The following SORL1 variants were observed in gnomAD, a reference collection of about 807,000 sequenced individuals.
SORL1 encodes the protein sortilin-related receptor.
In SORL1, 127 loss-of-function variants were observed where a neutral mutation model predicts 273.7. That is an observed-to-expected ratio of 0.46 (90% CI 0.40 to 0.54). SORL1 has a LOEUF of 0.54. SORL1 is among the 20% of genes least tolerant of loss of function. The pLI, the probability that SORL1 is intolerant of heterozygous loss-of-function variation, is 0.00. For synonymous variants in SORL1, 1,031 were observed against 1,067.4 expected (o/e 0.97, Z 0.66); for missense variants, 2,494 against 2,846.1 (o/e 0.88, Z 2.81).
At chr11:121,551,509 T>TTTC (rs1489668547) in intron 16 of SORL1, among the ~76,000 whole-genome samples, 2 of 152,208 alleles carry the variant, frequency 1.3e-5, no homozygotes, top group Admixed American at 1.3e-4. Flanking sequence ...CTTAGTTGCT[T>TTTC]TTCTTCACTC....
intron 1 of SORL1, among the ~76,000 whole-genome samples, chr11:121,458,865 C>T (rs1860948097): frequency 6.6e-6 from 1 of 152,080 alleles, no homozygotes; most frequent in Non-Finnish European, 1.5e-5. Context: ...GTAACATGAC[C>T]AATGCTTTGT....
chr11:121,506,243 C>A (rs536018352), intron 6 of SORL1, among the ~76,000 whole-genome samples: 1 of 152,066 alleles, frequency 6.6e-6, no homozygotes, highest in African/African-American at 2.4e-5. Flanking sequence ...TTCTATTTTG[C>A]CTATTATTAT....
chr11:121,461,335 T>C (rs552558207), intron 1 of SORL1, among the ~76,000 whole-genome samples: 3 of 151,972 alleles, frequency 2.0e-5, no homozygotes, highest in Non-Finnish European at 4.4e-5. Flanking sequence ...AAGCAGTGGA[T>C]GTGGAAAGTT....
chr11:121,493,742 G>A (rs749306141), intron 5 of SORL1, among the ~76,000 whole-genome samples: 7 of 152,178 alleles, frequency 4.6e-5, no homozygotes, highest in Non-Finnish European at 1.0e-4. Flanking sequence ...CTCATTAAGT[G>A]TAATGGTCCC....
chr11:121,501,337 T>G (rs1861705186), intron 6 of SORL1, among the ~76,000 whole-genome samples: 1 of 152,230 alleles, frequency 6.6e-6, no homozygotes, highest in Admixed American at 6.5e-5. Context: ...AATATTTTTA[T>G]CACCTCAGAA....
chr11:121,553,077 C>T (rs1004998259), intron 16 of SORL1, among the ~76,000 whole-genome samples: 10 of 152,198 alleles, frequency 6.6e-5, no homozygotes, highest in East Asian at 1.9e-4. Context: ...TCCACGGTAG[C>T]GTCTGTATCA....
intron 3 of SORL1, among the ~76,000 whole-genome samples, chr11:121,481,336 T>A (rs74192897): frequency 3.3e-5 from 4 of 121,288 alleles, no homozygotes; most frequent in Non-Finnish European, 6.9e-5. Flanking sequence ...CACAGATACC[T>A]ATAAGCAAGC....
intron 1 of SORL1, among the ~76,000 whole-genome samples, chr11:121,467,037 T>C (rs1297335759): frequency 2.0e-5 from 3 of 146,738 alleles, no homozygotes; most frequent in East Asian, 2.0e-4. Flanking sequence ...TTTCTTTTTT[T>C]TTTTTTTTTT....
rs1238005910 is a variant in SORL1 at position 121,631,589 on chromosome 11, T to C, written c.*2026T>C. 6.6e-6 allele frequency: 1 copy of C among 152,198 alleles called. No homozygotes were observed. Among genetic ancestry groups the C allele is most frequent in the African/African-American group, 2.4e-5 (1 of 41,448 alleles). The allele number at this position is 152,198 out of a possible 1,614,324, so 9.4% of individuals were successfully genotyped here. A position where few individuals can be genotyped will look rare whatever the true frequency, so the allele number is the denominator to read the frequency against. On this transcript the variant is annotated 3_prime_UTR_variant, in exon 48 of 48. Coordinates refer to ENST00000260197, the MANE Select transcript of SORL1 (RefSeq NM_003105.6). ...TTGGTGGCATTTGTAAAAGCTGATA[T>C]AAAAGGCTCTGAGATGTTATTTTCA...
In SORL1 at chr11:121,517,157, C is replaced by T. The variant is rs193048219; in HGVS notation, c.1211+2836C>T. ...CAATACATTTACAATGTTGTGCCAC[C>T]GCCACCTCTGTTTAATTTCATGGCC... is the stretch of plus-strand genomic sequence containing the variant. On this transcript the variant is annotated intron_variant, in intron 8 of 47. Transcript: ENST00000260197. Among the ~76,000 whole-genome samples the T allele has an allele frequency of 7.9e-4, 121 of 152,292 alleles. No individual in the cohort carries two copies. In the East Asian group the frequency reaches 0.02, roughly 26 times the overall value.
At chr11:121,604,469 G>A in intron 33 of SORL1, 145 bp downstream of exon 33, 1 of 1,111,474 alleles carries the variant, frequency 9.0e-7, no homozygotes, top group African/African-American at 1.6e-5. Context: ...GCCTAGTTTT[G>A]GAGCCCCAAG....
chr11:121,577,051 A>T, intron 24 of SORL1: 1 of 1,205,804 alleles, frequency 8.3e-7, no homozygotes, highest in Non-Finnish European at 1.2e-6. Flanking sequence ...AAGCAGCTCT[A>T]AGGGTCTGAG....
rs772225090 is a variant in SORL1 at position 121,618,878 on chromosome 11, G to A, written c.5709G>A (p.Glu1903=). The A allele has an allele frequency of 1.9e-6, 3 of 1,614,128 alleles. No homozygotes were observed. The highest frequency in any genetic ancestry group is 2.2e-5 in the East Asian group (1 of 44,886). The stretch of plus-strand genomic sequence containing the variant: ...AGACGGTCATTGTCAGTAAGGATGA[G>A]CAGTATTTGTTTCTGGTAAGTTTCC... The part of the protein sequence containing the change: ...HNKTVIVSKD[E]QYLFLVRVVV... The change falls in exon 42 of 48, where the codon GAG becomes GAA. Residue 1903 remains glutamate, a synonymous_variant. Transcript: ENST00000260197.
At chr11:121,557,486 C>G in intron 19 of SORL1, 81 bp downstream of exon 19, 1 of 1,069,238 alleles carries the variant, frequency 9.4e-7, no homozygotes, top group African/African-American at 1.6e-5. Context: ...GACTGCGGGA[C>G]AAAAACTCTG....
In SORL1 at chr11:121,550,492, C is replaced by A; in HGVS notation, c.2181-93C>A. ...AAGAGAAATGAGTGGATGGACTCTA[C>A]TGGCCGTGGGTAGTAAGTGTATTCC... On this transcript the variant is annotated intron_variant, in intron 15 of 47. Coordinates refer to ENST00000260197, the MANE Select transcript of SORL1 (RefSeq NM_003105.6). This position sits in a 1 kb window ranked among gnomAD's most constrained non-coding sequence, Gnocchi z 5.3. 1 of 1,013,528 alleles carries A rather than the reference C, an allele frequency of 9.9e-7. No individual in the cohort carries two copies. Among genetic ancestry groups the A allele is most frequent in the East Asian group, 2.5e-5 (1 of 40,588 alleles). 62.8% of individuals were successfully genotyped at this position (1,013,528 alleles called of 1,614,324 possible).
At chr11:121,560,751 A>C (rs1179383466) in intron 21 of SORL1, among the ~76,000 whole-genome samples, 1 of 152,214 alleles carries the variant, frequency 6.6e-6, no homozygotes, top group Non-Finnish European at 1.5e-5. Flanking sequence ...GTGTCTTACA[A>C]ATGTAAGACG....
chr11:121,502,415 C>T (rs769950123), intron 6 of SORL1, among the ~76,000 whole-genome samples: 6 of 152,114 alleles, frequency 3.9e-5, no homozygotes, highest in Admixed American at 2.0e-4. Flanking sequence ...GGATTACAGG[C>T]GTGAGCCACC....
chr11:121,622,186 T>TA lies in SORL1; in HGVS notation c.6094dup (p.Ile2032AsnfsTer6). 3 of 1,611,116 alleles carry TA rather than the reference T, an allele frequency of 1.9e-6. No individual in the cohort carries two copies. Among genetic ancestry groups the TA allele is most frequent in the South Asian group, 1.1e-5 (1 of 90,968 alleles). ...GTTTCATTATCAGCACCTGATGCCT[T>TA]AAAAATCATAACAGAAAATGATCAT... On this transcript the variant is annotated frameshift_variant, in exon 45 of 48. Transcript: ENST00000260197. LOFTEE classifies it high-confidence loss of function.
chr11:121,514,803 G>A (rs529506895), intron 8 of SORL1, among the ~76,000 whole-genome samples: 5 of 152,292 alleles, frequency 3.3e-5, no homozygotes, highest in Admixed American at 2.0e-4. Context: ...TCCTTTGTCT[G>A]TAAATCATGT....
Sources: allele counts gnomAD v4.1 joint callset (sites outside exome capture counted in the v4.1 genomes callset), GRCh38; gene constraint gnomAD v4.1.1; non-coding constraint Gnocchi (gnomAD v3.1); transcripts MANE v1.5; gene names NCBI Gene and HGNC (gene_info 2026-07-23, HGNC 2026-07-21).